Variants in GET4 observed in about 807,000 individuals in gnomAD.
GET4 encodes Golgi to ER traffic protein 4 homolog.
A neutral mutation model predicts 40.0 loss-of-function variants in GET4; 20 were observed. The observed-to-expected ratio is 0.50, with a 90% CI of 0.35 to 0.73. The LOEUF (loss-of-function observed/expected upper bound fraction) is 0.73, where lower values mean the gene tolerates loss of function less well. Among genes scored for constraint, GET4 ranks in the 30% least tolerant of loss-of-function variants. GET4 has a pLI of 0.01. For synonymous variants in GET4, 280 were observed against 194.6 expected, an observed-to-expected ratio of 1.44 and a Z score of -3.65; for missense variants, 557 against 454.0, an observed-to-expected ratio of 1.23 and a Z score of -2.06.
Position 895,502 on chromosome 7 carries a change from G to T in GET4, c.*80G>T. The T allele has an allele frequency of 1.5e-6, 1 of 687,324 alleles. No homozygotes were observed. Among genetic ancestry groups the T allele is most frequent in the Non-Finnish European group, 2.5e-6 (1 of 395,016 alleles). The allele number at this position is 687,324 out of a possible 1,614,324, so 42.6% of individuals were successfully genotyped here. Reference sequence around the variant, plus strand: ...AGAGGCGAGTCCTGGGTGGCTCCTCGCCTTGGGGGCTCCTGGCCCTGAGGC... The same window carrying T: ...AGAGGCGAGTCCTGGGTGGCTCCTCTCCTTGGGGGCTCCTGGCCCTGAGGC... On this transcript the variant is annotated 3_prime_UTR_variant, in exon 9 of 9. Transcript: ENST00000265857.
At position 895,358 on chromosome 7, in the gene GET4, G is replaced by A; in HGVS notation, c.920G>A (p.Gly307Asp). 6.3e-7 allele frequency: 1 copy of A among 1,589,090 alleles called. No individual in the cohort carries two copies. The highest frequency in any genetic ancestry group is 2.3e-5 in the East Asian group (1 of 44,322). ...GGGAACCTTCTGACCAGCCTCATGGGCTCCTCAGAGCAGGAGGATGGGGAG... is the reference window on the plus strand; with the variant it reads ...GGGAACCTTCTGACCAGCCTCATGGACTCCTCAGAGCAGGAGGATGGGGAG... ...LLGNLLTSLM[G>D]SSEQEDGEES... Residue 307 changes from glycine (G) to aspartate (D), a missense_variant, in exon 9 of 9, where the codon GGC becomes GAC. Gly to Asp is a moderately conservative substitution (Grantham distance 94). Coordinates refer to ENST00000265857, the MANE Select transcript of GET4 (RefSeq NM_015949.3).
At chr7:877,958 T>C (rs1585486099) in intron 1 of GET4, 1 of 42,410 alleles carries the variant, frequency 2.4e-5, no homozygotes, top group Non-Finnish European at 4.4e-5. Context: ...TTCCCCCACC[T>C]CCCTGCCTCC....
At chr7:877,668 T>C (rs1585485704) in intron 1 of GET4, among the ~76,000 whole-genome samples, 1 of 79,650 alleles carries the variant, frequency 1.3e-5, no homozygotes, top group Non-Finnish European at 2.5e-5. Context: ...CTTCACCTGC[T>C]CCCCACCCCA....
Position 895,671 on chromosome 7 carries a change from A to G in GET4, c.*249A>G, listed in dbSNP as rs1844466706. 1 of 362,704 alleles carries G rather than the reference A, an allele frequency of 2.8e-6. No individual in the cohort carries two copies. Among genetic ancestry groups the G allele is most frequent in the Non-Finnish European group, 5.0e-6 (1 of 198,890 alleles). 22.5% of individuals were successfully genotyped at this position (362,704 alleles called of 1,614,324 possible). A position where few individuals can be genotyped will look rare whatever the true frequency, so the allele number is the denominator to read the frequency against. On this transcript the variant is annotated 3_prime_UTR_variant, in exon 9 of 9. Coordinates refer to ENST00000265857, the MANE Select transcript of GET4 (RefSeq NM_015949.3). ...GTCCCCCGAGATTGACCCACAATAA[A>G]GCACAGGCCTTACCGCGGCGTCACC...
chr7:883,952 C>A, intron 1 of GET4: 1 of 1,058,924 alleles, frequency 9.4e-7, no homozygotes, highest in Non-Finnish European at 1.1e-6. Context: ...CCTTGCCCGG[C>A]TCCCAGCTGC....
At chr7:893,054 G>C (rs1412655073) in intron 6 of GET4, among the ~76,000 whole-genome samples, 1 of 148,668 alleles carries the variant, frequency 6.7e-6, no homozygotes, top group Non-Finnish European at 1.5e-5. Context: ...AGTGTTGGGT[G>C]TGGGCGTGGT....
chr7:889,563 GGA>G (rs1006937047), intron 4 of GET4, among the ~76,000 whole-genome samples: 2 of 152,222 alleles, frequency 1.3e-5, no homozygotes, highest in Admixed American at 6.5e-5. Context: ...CCACTAGGTG[GGA>G]GAGGCAGGCG....
chr7:880,907 C>T (rs1404133672), intron 1 of GET4: 2 of 152,268 alleles, frequency 1.3e-5, no homozygotes, highest in African/African-American at 4.8e-5. Flanking sequence ...CTCTGTCGCT[C>T]AGACTGGAGA....
In GET4 at chr7:878,217, T is replaced by A. The variant is rs561146458; in HGVS notation, c.155+1417T>A. The A allele has an allele frequency of 5.9e-4, 277 of 469,876 alleles. 2 individuals are homozygous for A. The Middle Eastern group carries it at 9.5e-3, about 16-fold the overall frequency. 29.1% of individuals were successfully genotyped at this position (469,876 alleles called of 1,614,324 possible). A position where few individuals can be genotyped will look rare whatever the true frequency, so the allele number is the denominator to read the frequency against. On this transcript the variant is annotated intron_variant, in intron 1 of 8. Coordinates refer to ENST00000265857, the MANE Select transcript of GET4 (RefSeq NM_015949.3). ...GTTAACTGCACGCCCCTCGGGACTGTGACCGCTTGGAAGTTCCAGGCTGCT... is the reference window on the plus strand; with the variant it reads ...GTTAACTGCACGCCCCTCGGGACTGAGACCGCTTGGAAGTTCCAGGCTGCT...
chr7:885,451 G>A (rs994649571), intron 1 of GET4: 11 of 153,336 alleles, frequency 7.2e-5, no homozygotes, highest in African/African-American at 2.7e-4. Flanking sequence ...TGCGGCCTGA[G>A]GAGCTCCAGC....
chr7:895,499 C>G lies in GET4; in HGVS notation c.*77C>G. The G allele has an allele frequency of 1.4e-6, 1 of 736,992 alleles. No individual in the cohort carries two copies. Among genetic ancestry groups the G allele is most frequent in the Non-Finnish European group, 2.3e-6 (1 of 431,582 alleles). 45.7% of individuals were successfully genotyped at this position (736,992 alleles called of 1,614,324 possible). On this transcript the variant is annotated 3_prime_UTR_variant, in exon 9 of 9. Transcript: ENST00000265857. The stretch of plus-strand genomic sequence containing the variant: ...TTCAGAGGCGAGTCCTGGGTGGCTC[C>G]TCGCCTTGGGGGCTCCTGGCCCTGA...
At chr7:891,388 T>C (rs1844318995) in intron 5 of GET4, among the ~76,000 whole-genome samples, 1 of 152,230 alleles carries the variant, frequency 6.6e-6, no homozygotes, top group Non-Finnish European at 1.5e-5. Context: ...TCCCGCACTA[T>C]CTGGAAATGC....
At chr7:876,916 G>C (rs1375914296) in intron 1 of GET4, 116 bp downstream of exon 1, 1 of 440,152 alleles carries the variant, frequency 2.3e-6, no homozygotes, top group Non-Finnish European at 3.1e-6. Context: ...GCGGGGGCGA[G>C]CTGGACCCAG....
chr7:892,819 C>T (rs79786743), intron 6 of GET4, among the ~76,000 whole-genome samples: 5,548 of 146,884 alleles, frequency 0.038, 233 homozygotes, highest in East Asian at 0.15. Flanking sequence ...GTGTAGACGG[C>T]GTATGTGCAG....
rs759801442 is a variant in GET4, at chr7:886,087, C to T, written c.187C>T (p.Arg63Trp). ...YMSQSKHTEA[R>W]ELMYSGALLF... is the part of the protein sequence containing the mutation. ...GTCCCAGAGCAAGCACACGGAGGCC[C>T]GGGAGCTCATGTACTCGGGAGCCCT... The change falls in exon 2 of 9, where the codon CGG becomes TGG. Residue 63 changes from arginine (R) to tryptophan (W), a missense_variant. Coordinates refer to ENST00000265857, the MANE Select transcript of GET4 (RefSeq NM_015949.3). The T allele has an allele frequency of 9.3e-6, 15 of 1,610,484 alleles. No homozygotes were observed. The highest frequency in any genetic ancestry group is 8.3e-5 in the Admixed American group (5 of 60,000).
intron 8 of GET4, 152 bp from the exon 9 acceptor site, chr7:895,182 C>A: frequency 2.1e-6 from 1 of 473,694 alleles, no homozygotes. Context: ...TGTCCTGTCC[C>A]GGGGTTCCTG....
In GET4 at chr7:889,506, G is replaced by A. The variant is rs549925558; in HGVS notation, c.467-1422G>A. Among the ~76,000 whole-genome samples the A allele has an allele frequency of 5.9e-5, 9 of 152,158 alleles. No homozygotes were observed. In the East Asian group the frequency reaches 1.2e-3, roughly 20 times the overall value. The stretch of plus-strand genomic sequence containing the variant: ...GGACTCTGGCAGCCACAAAGGCAGC[G>A]GGAGGGCCCTGGAGGCTCCTGTTGG... On this transcript the variant is annotated intron_variant, in intron 4 of 8. Coordinates refer to ENST00000265857, the MANE Select transcript of GET4 (RefSeq NM_015949.3).
chr7:878,268 G>A (rs1339958708), intron 1 of GET4: 3 of 471,070 alleles, frequency 6.4e-6, no homozygotes, highest in Admixed American at 2.3e-5. Context: ...TTGTCTTCAG[G>A]ACTGCTCTGT....
intron 4 of GET4, among the ~76,000 whole-genome samples, chr7:889,743 TC>T (rs1844275736): frequency 1.3e-5 from 1 of 74,606 alleles, no homozygotes; most frequent in Non-Finnish European, 2.7e-5. Context: ...TAGGACGGGG[TC>T]TGGGAGTGGA....
Sources: gnomAD v4.1 joint callset for allele counts (sites outside exome capture counted in the v4.1 genomes callset) on GRCh38, gnomAD v4.1.1 for gene constraint, MANE v1.5 for transcripts, NCBI Gene and HGNC (gene_info 2026-07-23, HGNC 2026-07-21) for gene names.